Variants in RSPO1 observed in about 807,000 individuals in gnomAD.
RSPO1 encodes the protein R-spondin-1.
Under a neutral mutation model 26.0 loss-of-function variants are expected in RSPO1, and 18 were observed. That is an observed-to-expected ratio of 0.69 (90% CI 0.48 to 1.03). The LOEUF is 1.03. RSPO1 is among the 50% of genes least tolerant of loss of function. The pLI, the probability that RSPO1 is intolerant of heterozygous loss-of-function variation, is 0.00. For synonymous variants in RSPO1, 133 were observed against 137.4 expected (o/e 0.97, Z 0.22); for missense variants, 309 against 352.3 (o/e 0.88, Z 0.98).
Position 37,612,919 on chromosome 1 carries a change from G to C in RSPO1, c.628C>G (p.Gln210Glu). 6.2e-7 allele frequency: 1 copy of C among 1,613,922 alleles called. No individual in the cohort carries two copies. The highest frequency in any genetic ancestry group is 1.1e-5 in the South Asian group (1 of 91,072). Residue 210 changes from glutamine to glutamate, a missense_variant and splice_region_variant, in exon 7 of 7, where the codon CAG (glutamine) becomes GAG (glutamate). Transcript: ENST00000356545. ...TVRRVPCPEG[Q>E]KRRKGGQGRR... ...CCCTGGCCTCCCTTCCTCCTCTTCT[G>C]CCCTGAAACAACCAAACAGCAGGAA...
rs897972647 is a variant in RSPO1, at chr1:37,612,660, A to G, written c.*95T>C. 4 of 1,329,050 alleles carry G rather than the reference A, an allele frequency of 3.0e-6. No homozygotes were observed. The highest frequency in any genetic ancestry group is 3.2e-6 in the Non-Finnish European group (3 of 935,394). 82.3% of individuals were successfully genotyped at this position (1,329,050 alleles called of 1,614,324 possible). On this transcript the variant is annotated 3_prime_UTR_variant, in exon 7 of 7. Coordinates refer to ENST00000356545, the MANE Select transcript of RSPO1 (RefSeq NM_001242908.2). ...CATGGATGGATTGGAGTGTGTGTGT[A>G]TGCTTTGCCCCCGACGTTCCAGTTC...
rs574732044 is a variant in RSPO1, at chr1:37,623,498, G to C, written c.94+6070C>G. The stretch of plus-strand genomic sequence containing the variant: ...TGTAGAGAGGCAGAGGGCACTCCCT[G>C]ACCCAGAAGCCTAGGGGAGGAGGGT... On this transcript the variant is annotated intron_variant, in intron 3 of 6. Transcript: ENST00000356545. Among the ~76,000 whole-genome samples, 87 of 152,202 alleles carry C rather than the reference G, an allele frequency of 5.7e-4. 1 individual carries two copies. Among genetic ancestry groups the C allele is most frequent in the Non-Finnish European group, 1.9e-4 (13 of 68,018 alleles).
intron 3 of RSPO1, among the ~76,000 whole-genome samples, chr1:37,621,693 A>G (rs1475742293): frequency 1.3e-5 from 2 of 152,132 alleles, no homozygotes; most frequent in East Asian, 1.9e-4. Context: ...AATGATGTCT[A>G]TTAGGCAATT....
rs79939924 is a variant in RSPO1 at position 37,628,021 on chromosome 1, G to T, written c.94+1547C>A. Among the ~76,000 whole-genome samples, 604 of 152,324 alleles carry T rather than the reference G, an allele frequency of 4.0e-3. 2 individuals are homozygous for T. The highest frequency in any genetic ancestry group is 0.014 in the African/African-American group (568 of 41,558). ...CCATCGCTAGGACCAGGCCCTTTCT[G>T]ATGCCAAGTCTAGTACTTCTTTCCT... On this transcript the variant is annotated intron_variant, in intron 3 of 6. Coordinates refer to ENST00000356545, the MANE Select transcript of RSPO1 (RefSeq NM_001242908.2).
intron 3 of RSPO1, among the ~76,000 whole-genome samples, chr1:37,623,965 T>C (rs1291633102): frequency 2.6e-5 from 4 of 152,010 alleles, no homozygotes; most frequent in Non-Finnish European, 5.9e-5. Context: ...TTTCACCATG[T>C]TGGCCAGGCT....
chr1:37,617,934 A>G (rs143423993), intron 3 of RSPO1, among the ~76,000 whole-genome samples: 2 of 152,300 alleles, frequency 1.3e-5, no homozygotes, highest in African/African-American at 2.4e-5. Context: ...CAAAAGAAGG[A>G]GGGAAACAAG....
At chr1:37,627,790 C>G (rs181712912) in intron 3 of RSPO1, among the ~76,000 whole-genome samples, 1 of 152,168 alleles carries the variant, frequency 6.6e-6, no homozygotes, top group African/African-American at 2.4e-5. Flanking sequence ...TATTACATAA[C>G]AAGTATTGAC....
chr1:37,628,442 C>T (rs559003307), intron 3 of RSPO1, among the ~76,000 whole-genome samples: 1 of 152,328 alleles, frequency 6.6e-6, no homozygotes, highest in African/African-American at 2.4e-5. Flanking sequence ...CAGCAAAACC[C>T]CACTGCTTTT....
Position 37,612,629 on chromosome 1 carries a change from T to C in RSPO1, c.*126A>G, listed in dbSNP as rs907559570. The C allele has an allele frequency of 2.1e-4, 206 of 979,812 alleles. No homozygotes were observed. The highest frequency in any genetic ancestry group is 7.9e-5 in the Non-Finnish European group (49 of 622,296). The allele number at this position is 979,812 out of a possible 1,614,324, so 60.7% of individuals were successfully genotyped here. On this transcript the variant is annotated 3_prime_UTR_variant, in exon 7 of 7. Coordinates refer to ENST00000356545, the MANE Select transcript of RSPO1 (RefSeq NM_001242908.2). ...TTTGAGCGTGTGTGTCTTGTGTCTA[T>C]GTATGCATGGATGGATTGGAGTGTG... is the stretch of plus-strand genomic sequence containing the variant.
chr1:37,634,728 C>A lies in RSPO1; in HGVS notation c.-518G>T, dbSNP rs1260502566. The A allele has an allele frequency of 2.0e-5, 3 of 152,330 alleles. No homozygotes were observed. Among genetic ancestry groups the A allele is most frequent in the Non-Finnish European group, 4.4e-5 (3 of 68,120 alleles). 9.4% of individuals were successfully genotyped at this position (152,330 alleles called of 1,614,324 possible). ...GGACGGCTCACGCCCTCGGGGCCAG[C>A]GCCCCACCCGGCGCATCGGTCCTCC... On this transcript the variant is annotated 5_prime_UTR_variant, in exon 1 of 7. Coordinates refer to ENST00000356545, the MANE Select transcript of RSPO1 (RefSeq NM_001242908.2). This position sits in a 1 kb window ranked among gnomAD's most constrained non-coding sequence, Gnocchi z 4.7.
At chr1:37,614,621 G>A (rs1224137723) in intron 4 of RSPO1, among the ~76,000 whole-genome samples, 1 of 152,194 alleles carries the variant, frequency 6.6e-6, no homozygotes, top group Non-Finnish European at 1.5e-5. Context: ...GCAGCCCAAG[G>A]TGAGGCTCAA....
In RSPO1 at chr1:37,613,740, G is replaced by T. The variant is rs1412313995; in HGVS notation, c.589C>A (p.Arg197=). ...HAACSDTKET[R]RCTVRRVPCP... is the part of the protein sequence containing the mutation. The stretch of plus-strand genomic sequence containing the variant: ...GGCACTCTCCTCACTGTGCACCTCC[G>T]GGTCTCCTTGGTGTCAGAGCAGGCA... The change falls in exon 6 of 7, where the codon CGG becomes AGG. Residue 197 remains arginine, a synonymous_variant. Transcript: ENST00000356545. The surrounding 1 kb of genome is among the most constrained non-coding windows in gnomAD (Gnocchi z 4.5). The T allele has an allele frequency of 8.1e-6, 13 of 1,613,714 alleles. No individual in the cohort carries two copies. The highest frequency in any genetic ancestry group is 1.0e-5 in the Non-Finnish European group (12 of 1,180,018).
rs751158921 is a variant in RSPO1, at chr1:37,612,871, T to G, written c.676A>C (p.Asn226His). 1 of 1,613,984 alleles carries G rather than the reference T, an allele frequency of 6.2e-7. No homozygotes were observed. The highest frequency in any genetic ancestry group is 8.5e-7 in the Non-Finnish European group (1 of 1,180,046). ...GQGRRENANR[N>H]LARKESKEAG... ...TCCTTGCTCTCCTTCCTGGCCAGGT[T>G]CCTGTTGGCATTCTCCCGCCGGCCC... Residue 226 changes from asparagine (N) to histidine (H), a missense_variant, in exon 7 of 7, where the codon AAC becomes CAC. By Grantham distance (68) the Asn-to-His change is moderately conservative (BLOSUM62 1). Coordinates refer to ENST00000356545, the MANE Select transcript of RSPO1 (RefSeq NM_001242908.2).
Position 37,634,105 on chromosome 1 carries a change from C to T in RSPO1, c.-356+461G>A, listed in dbSNP as rs997156137. On this transcript the variant is annotated intron_variant, in intron 1 of 6. Transcript: ENST00000356545. The surrounding 1 kb of genome is among the most constrained non-coding windows in gnomAD (Gnocchi z 4.7). ...GGGAGCCGCGCCACTTCGCTGCGCA[C>T]CGGGGGCCGCAGCGCATGCCGCCTG... Among the ~76,000 whole-genome samples, 1 of 152,160 alleles carries T rather than the reference C, an allele frequency of 6.6e-6. No homozygotes were observed. Among genetic ancestry groups the T allele is most frequent in the Non-Finnish European group, 1.5e-5 (1 of 68,028 alleles).
chr1:37,615,511 T>C (rs1644097634), intron 4 of RSPO1, among the ~76,000 whole-genome samples: 1 of 152,202 alleles, frequency 6.6e-6, no homozygotes, highest in South Asian at 2.1e-4. Context: ...AGTCTAGTCT[T>C]GGACCAGTCA....
At chr1:37,619,673 A>G (rs1170631443) in intron 3 of RSPO1, among the ~76,000 whole-genome samples, 2 of 152,204 alleles carry the variant, frequency 1.3e-5, no homozygotes, top group African/African-American at 4.8e-5. Context: ...TCAGTGCTTG[A>G]CAAGTATTAA....
At chr1:37,629,082 C>T (rs1445630405) in intron 3 of RSPO1, among the ~76,000 whole-genome samples, 2 of 152,244 alleles carry the variant, frequency 1.3e-5, no homozygotes, top group East Asian at 3.9e-4. Context: ...CCCTACTCCA[C>T]TGTTCCTGCC....
In RSPO1 at chr1:37,612,729, A is replaced by T. The variant is rs764869923; in HGVS notation, c.*26T>A. 5.0e-6 allele frequency: 8 copies of T among 1,606,316 alleles called. No homozygotes were observed. The South Asian group carries it at 7.7e-5, about 15-fold the overall frequency. On this transcript the variant is annotated 3_prime_UTR_variant, in exon 7 of 7. Coordinates refer to ENST00000356545, the MANE Select transcript of RSPO1 (RefSeq NM_001242908.2). ...CAGAGTAGCACTGAACTCTTTCTGC[A>T]TGGGCCTGGAGGCTGGACAGTGTCC...
In RSPO1 at chr1:37,618,050, A is replaced by G. The variant is rs543641052; in HGVS notation, c.95-1375T>C. ...CAGGGAGCAGGACCACAGAGGTGTA[A>G]AACTAGGGAAAGGCAGAATTGCAGA... On this transcript the variant is annotated intron_variant, in intron 3 of 6. Coordinates refer to ENST00000356545, the MANE Select transcript of RSPO1 (RefSeq NM_001242908.2). 2.0e-5 allele frequency among the ~76,000 whole-genome samples: 3 copies of G among 152,366 alleles called. No homozygotes were observed. The South Asian group carries it at 6.2e-4, about 32-fold the overall frequency.
Sources: allele counts gnomAD v4.1 joint callset (sites outside exome capture counted in the v4.1 genomes callset), GRCh38; gene constraint gnomAD v4.1.1; non-coding constraint Gnocchi (gnomAD v3.1); transcripts MANE v1.5; gene names NCBI Gene and HGNC (gene_info 2026-07-23, HGNC 2026-07-21).